Variants in COBL observed in about 807,000 individuals in gnomAD.
COBL encodes the protein cordon-bleu WH2 repeat protein.
In COBL, 51 loss-of-function variants were observed where a neutral mutation model predicts 98.8. The ratio of observed to expected loss-of-function variants is 0.52; its 90% CI spans 0.41 to 0.65. The LOEUF (loss-of-function observed/expected upper bound fraction) is 0.65, where lower values mean the gene tolerates loss of function less well. Ranked by LOEUF, COBL falls within the 30% of genes least tolerant of loss-of-function variation. COBL has a pLI of 0.00. For missense variants in COBL, 1,617 were observed against 1,617.5 expected (o/e 1.00, Z 0.01); for synonymous variants, 634 against 651.7 (o/e 0.97, Z 0.41).
intron 1 of COBL, among the ~76,000 whole-genome samples, chr7:51,227,035 C>T (rs1166121993): frequency 1.3e-5 from 2 of 152,276 alleles, no homozygotes; most frequent in South Asian, 2.1e-4. Flanking sequence ...TTAATTACTT[C>T]TTGAAAACAA....
chr7:51,050,929 CATT>C (rs1790175286), intron 7 of COBL, among the ~76,000 whole-genome samples: 1 of 152,210 alleles, frequency 6.6e-6, no homozygotes, highest in Non-Finnish European at 1.5e-5. Context: ...ATCTATGTAA[CATT>C]ATGGTATTTC....
intron 7 of COBL, among the ~76,000 whole-genome samples, chr7:51,061,794 A>C (rs1157794900): frequency 6.6e-6 from 1 of 152,184 alleles, no homozygotes; most frequent in African/African-American, 2.4e-5. Flanking sequence ...GTGCTTGAGC[A>C]TCAGAGCTCC....
At chr7:51,026,513 T>C (rs1201039551) in intron 11 of COBL, 33 bp downstream of exon 11, 1 of 1,608,074 alleles carries the variant, frequency 6.2e-7, no homozygotes, top group African/African-American at 1.3e-5. Context: ...GGGTTTGAGC[T>C]CCTGGCGCCA....
chr7:51,052,646 A>G (rs1452733833), intron 7 of COBL, among the ~76,000 whole-genome samples: 1 of 152,156 alleles, frequency 6.6e-6, no homozygotes, highest in African/African-American at 2.4e-5. Flanking sequence ...TATTTAATCA[A>G]TGCCTCAGAA....
intron 6 of COBL, among the ~76,000 whole-genome samples, chr7:51,128,029 G>C (rs2128997451): frequency 6.6e-6 from 1 of 152,342 alleles, no homozygotes; most frequent in East Asian, 1.9e-4. Flanking sequence ...GCTAGTTTGT[G>C]TATATGATCT....
rs117222823 is a variant in COBL, at chr7:51,073,380, A to T, written c.1096+11786T>A. 1,957 of 689,996 alleles carry T rather than the reference A, an allele frequency of 2.8e-3. 2 individuals are homozygous for T. Among genetic ancestry groups the T allele is most frequent in the Non-Finnish European group, 4.3e-3 (1,631 of 376,518 alleles). 42.7% of individuals were successfully genotyped at this position (689,996 alleles called of 1,614,324 possible). On this transcript the variant is annotated intron_variant, in intron 7 of 12. Coordinates refer to ENST00000265136, the MANE Select transcript of COBL (RefSeq NM_015198.5). Reference sequence around the variant, plus strand: ...GCCTGAGTAGGGAATGACGCACAGCAATAAACTGCGGGGGGAAAATAAATG... The same window carrying T: ...GCCTGAGTAGGGAATGACGCACAGCTATAAACTGCGGGGGGAAAATAAATG...
At chr7:51,248,148 T>C (rs918475353) in intron 1 of COBL, among the ~76,000 whole-genome samples, 1 of 152,126 alleles carries the variant, frequency 6.6e-6, no homozygotes, top group Admixed American at 6.6e-5. Flanking sequence ...GCACACAGAA[T>C]TGTAACACAG....
At chr7:51,143,955 T>G (rs1784792405) in intron 5 of COBL, among the ~76,000 whole-genome samples, 1 of 152,186 alleles carries the variant, frequency 6.6e-6, no homozygotes, top group South Asian at 2.1e-4. Context: ...ACTACCTATA[T>G]GTAGCATGCT....
At chr7:51,089,692 C>G (rs1264609294) in intron 6 of COBL, among the ~76,000 whole-genome samples, 1 of 152,154 alleles carries the variant, frequency 6.6e-6, no homozygotes, top group Non-Finnish European at 1.5e-5. Flanking sequence ...AATTTTTCAG[C>G]TTTACTGAGG....
intron 6 of COBL, among the ~76,000 whole-genome samples, chr7:51,104,329 C>CA: frequency 6.6e-6 from 1 of 152,002 alleles, no homozygotes; most frequent in East Asian, 1.9e-4. Context: ...AGATGATGAC[C>CA]AAAAAGATTA....
At chr7:51,193,254 C>G in intron 3 of COBL, 125 bp downstream of exon 3, 1 of 780,832 alleles carries the variant, frequency 1.3e-6, no homozygotes, top group South Asian at 1.8e-5. Context: ...CTTTGCCTGG[C>G]ATGAAAGTAG....
At chr7:51,305,059 T>C (rs1802333641) in intron 1 of COBL, among the ~76,000 whole-genome samples, 2 of 152,200 alleles carry the variant, frequency 1.3e-5, no homozygotes, top group South Asian at 4.1e-4. Flanking sequence ...CCAGTCCCTA[T>C]GTCACTGTGA....
At chr7:51,231,687 AG>A (rs1342392906) in intron 1 of COBL, among the ~76,000 whole-genome samples, 1 of 152,202 alleles carries the variant, frequency 6.6e-6, no homozygotes, top group East Asian at 1.9e-4. Flanking sequence ...AGGTGACCCA[AG>A]AGGACTTAGA....
rs117091848 is a variant in COBL, at chr7:51,172,827, C to T, written c.783+11275G>A. Among the ~76,000 whole-genome samples the T allele has an allele frequency of 2.2e-3, 336 of 151,222 alleles. 12 individuals carry two copies. In the East Asian group the frequency reaches 0.058, roughly 26 times the overall value. ...TTTTTTTGACAGTGTCTTGCTGTGT[C>T]GCCCGGGCTGGAGTGTAGTGGCATG... is the stretch of plus-strand genomic sequence containing the variant. On this transcript the variant is annotated intron_variant, in intron 5 of 12. Coordinates refer to ENST00000265136, the MANE Select transcript of COBL (RefSeq NM_015198.5).
intron 2 of COBL, among the ~76,000 whole-genome samples, chr7:51,195,220 A>C (rs1790481446): frequency 2.0e-5 from 3 of 152,178 alleles, no homozygotes; most frequent in Admixed American, 1.3e-4. Flanking sequence ...GTCTAGTTTC[A>C]ATCTTCTGCA....
At chr7:51,174,377 A>G (rs1277894309) in intron 5 of COBL, among the ~76,000 whole-genome samples, 1 of 152,250 alleles carries the variant, frequency 6.6e-6, no homozygotes, top group East Asian at 1.9e-4. Flanking sequence ...ACAAGAAGCT[A>G]AAATTTAACA....
chr7:51,183,699 T>C (rs549095457), intron 5 of COBL, among the ~76,000 whole-genome samples: 2 of 152,352 alleles, frequency 1.3e-5, no homozygotes, highest in African/African-American at 4.8e-5. Flanking sequence ...TAAGCTACAG[T>C]TCACTGATAG....
At chr7:51,060,377 G>A (rs776270072) in intron 7 of COBL, among the ~76,000 whole-genome samples, 21 of 152,174 alleles carry the variant, frequency 1.4e-4, no homozygotes, top group Non-Finnish European at 2.9e-4. Flanking sequence ...CATTGCTTCT[G>A]ATCAAGGAAC....
At position 51,219,855 on chromosome 7, in the gene COBL, G is replaced by A. The variant is rs1793455341; in HGVS notation, c.131C>T (p.Ala44Val). Residue 44 changes from alanine (A) to valine (V), a missense_variant, in exon 2 of 13, where the codon GCC (alanine) becomes GTC (valine). Around this residue, in one of 3 missense-constraint regions of COBL, gnomAD observed 238 missense variants for 215.0 expected, o/e 1.11. Transcript: ENST00000265136. Reference protein sequence around the residue: ...HSDQKPPHDGALGSQQNLVRM... With the variant: ...HSDQKPPHDGVLGSQQNLVRM... ...AACCAAGTTCTGCTGCGACCCGAGG[G>A]CCCCATCGTGGGGGGGCTTCTGGTC... 6.2e-7 allele frequency: 1 copy of A among 1,613,740 alleles called. No homozygotes were observed. Among genetic ancestry groups the A allele is most frequent in the African/African-American group, 1.3e-5 (1 of 74,896 alleles).
Sources: gnomAD v4.1 joint callset for allele counts (sites outside exome capture counted in the v4.1 genomes callset) on GRCh38, gnomAD v4.1.1 for gene constraint, gnomAD v4.1.1 regional missense constraint, MANE v1.5 for transcripts, NCBI Gene and HGNC (gene_info 2026-07-23, HGNC 2026-07-21) for gene names.